Variants in EHBP1 observed in about 807,000 individuals in gnomAD.
EHBP1 encodes EH domain binding protein 1.
A neutral mutation model predicts 144.0 loss-of-function variants in EHBP1; 55 were observed. The ratio of observed to expected loss-of-function variants is 0.38; its 90% CI spans 0.31 to 0.48. The LOEUF (loss-of-function observed/expected upper bound fraction) is 0.48. Ranked by LOEUF, EHBP1 falls within the 20% of genes least tolerant of loss-of-function variation. The pLI is 0.98. For missense variants in EHBP1, 1,200 were observed against 1,364.2 expected (o/e 0.88, Z 1.90); for synonymous variants, 469 against 472.7 (o/e 0.99, Z 0.10).
intron 5 of EHBP1, among the ~76,000 whole-genome samples, chr2:62,798,391 T>C (rs1371977023): frequency 2.0e-5 from 3 of 151,816 alleles, no homozygotes; most frequent in Non-Finnish European, 4.4e-5. Context: ...AAGAAATATC[T>C]GTAGAAATCT....
At chr2:62,878,363 C>T (rs1331175763) in intron 10 of EHBP1, among the ~76,000 whole-genome samples, 2 of 152,164 alleles carry the variant, frequency 1.3e-5, no homozygotes, top group African/African-American at 2.4e-5. Context: ...TAGACAGATT[C>T]ATGGCTGAAT....
chr2:62,708,665 G>T (rs932778648), intron 2 of EHBP1, among the ~76,000 whole-genome samples: 2 of 152,188 alleles, frequency 1.3e-5, no homozygotes, highest in African/African-American at 4.8e-5. Flanking sequence ...TACAGAGGTC[G>T]CAGAGGGAAA....
At chr2:63,009,113 A>T (rs2060169133) in intron 19 of EHBP1, among the ~76,000 whole-genome samples, 1 of 151,660 alleles carries the variant, frequency 6.6e-6, no homozygotes, top group Non-Finnish European at 1.5e-5. Context: ...TTGTTTTTGT[A>T]TTGATGTGAT....
chr2:62,938,806 G>GA (rs139219285), intron 10 of EHBP1, among the ~76,000 whole-genome samples: 18 of 146,568 alleles, frequency 1.2e-4, no homozygotes, highest in African/African-American at 2.0e-4. Flanking sequence ...GTTTGTGGGG[G>GA]AAAAAAAAAA....
intron 14 of EHBP1, among the ~76,000 whole-genome samples, chr2:62,965,544 A>G (rs2058208780): frequency 6.6e-6 from 1 of 152,192 alleles, no homozygotes; most frequent in Non-Finnish European, 1.5e-5. Context: ...CATTGTGCAC[A>G]TTAGAATTTA....
At chr2:62,768,183 C>G (rs545899186) in intron 4 of EHBP1, among the ~76,000 whole-genome samples, 47 of 152,174 alleles carry the variant, frequency 3.1e-4, no homozygotes, top group Admixed American at 1.4e-3. Context: ...CAGAGCTGAA[C>G]TGAGGGAAAT....
chr2:63,033,125 T>C (rs2061328671), intron 19 of EHBP1, among the ~76,000 whole-genome samples: 1 of 152,198 alleles, frequency 6.6e-6, no homozygotes, highest in Non-Finnish European at 1.5e-5. Flanking sequence ...ATGTTGGCTT[T>C]GGAGTTAATG....
At chr2:62,931,648 T>C (rs116563343) in intron 10 of EHBP1, among the ~76,000 whole-genome samples, 1,893 of 152,278 alleles carry the variant, frequency 0.012, 52 homozygotes, top group African/African-American at 0.044. Flanking sequence ...AAATAATTCA[T>C]AAGTTTTAAA....
intron 7 of EHBP1, among the ~76,000 whole-genome samples, chr2:62,847,082 A>G (rs2152743496): frequency 6.6e-6 from 1 of 152,352 alleles, no homozygotes; most frequent in East Asian, 1.9e-4. Flanking sequence ...ATTTACTATA[A>G]AGCTGTAGTA....
At chr2:62,796,175 C>T (rs2043522469) in intron 5 of EHBP1, among the ~76,000 whole-genome samples, 1 of 151,986 alleles carries the variant, frequency 6.6e-6, no homozygotes, top group African/African-American at 2.4e-5. Flanking sequence ...TACTAGAATA[C>T]ATCAGTTACT....
At chr2:62,784,128 C>T (rs2042639685) in intron 5 of EHBP1, among the ~76,000 whole-genome samples, 1 of 152,146 alleles carries the variant, frequency 6.6e-6, no homozygotes, top group African/African-American at 2.4e-5. Context: ...GGTCAAATGA[C>T]ATGAAATGGA....
At chr2:63,026,199 C>T (rs1293625337) in intron 19 of EHBP1, among the ~76,000 whole-genome samples, 1 of 151,984 alleles carries the variant, frequency 6.6e-6, no homozygotes, top group Non-Finnish European at 1.5e-5. Flanking sequence ...AACTCTGACA[C>T]TCTGCTGGGA....
intron 5 of EHBP1, among the ~76,000 whole-genome samples, chr2:62,774,884 A>G (rs2041948010): frequency 6.6e-6 from 1 of 152,178 alleles, no homozygotes; most frequent in African/African-American, 2.4e-5. Context: ...ACAAGTTAAC[A>G]AATCTCATCG....
intron 7 of EHBP1, among the ~76,000 whole-genome samples, chr2:62,856,635 A>C (rs1007269937): frequency 1.3e-5 from 2 of 152,234 alleles, no homozygotes; most frequent in African/African-American, 4.8e-5. Context: ...AGGCCTGAGC[A>C]AAAAACTCAG....
intron 19 of EHBP1, among the ~76,000 whole-genome samples, chr2:63,026,137 A>T (rs2060961828): frequency 6.6e-6 from 1 of 152,178 alleles, no homozygotes; most frequent in Non-Finnish European, 1.5e-5. Flanking sequence ...GTTGCCCAAC[A>T]TATTTACTTC....
At chr2:62,898,697 C>T (rs1320907909) in intron 10 of EHBP1, among the ~76,000 whole-genome samples, 1 of 151,430 alleles carries the variant, frequency 6.6e-6, no homozygotes, top group Non-Finnish European at 1.5e-5. Flanking sequence ...AATAGGTACT[C>T]AATAAATAAT....
chr2:62,951,104 T>C (rs1285649045), intron 13 of EHBP1, among the ~76,000 whole-genome samples: 1 of 152,238 alleles, frequency 6.6e-6, no homozygotes, highest in Non-Finnish European at 1.5e-5. Context: ...AGAAGATTTT[T>C]AGACAGTAAT....
intron 10 of EHBP1, among the ~76,000 whole-genome samples, chr2:62,911,903 G>A (rs1356062970): frequency 2.0e-5 from 3 of 152,154 alleles, no homozygotes; most frequent in Non-Finnish European, 2.9e-5. Flanking sequence ...AAAATTTATG[G>A]AGATTTTTCA....
intron 14 of EHBP1, among the ~76,000 whole-genome samples, chr2:62,974,039 T>C (rs2058608607): frequency 6.6e-6 from 1 of 152,150 alleles, no homozygotes; most frequent in Non-Finnish European, 1.5e-5. Context: ...GAAATACTGA[T>C]AGTAAACAGG....
Sources: allele counts gnomAD v4.1 joint callset (sites outside exome capture counted in the v4.1 genomes callset), GRCh38; gene constraint gnomAD v4.1.1; transcripts MANE v1.5; gene names NCBI Gene and HGNC (gene_info 2026-07-23, HGNC 2026-07-21).